Variants in SLC1A2 observed in about 807,000 individuals in gnomAD.
SLC1A2 encodes solute carrier family 1 member 2.
SLC1A2 carries 15 observed loss-of-function variants against 48.8 expected under a neutral mutation model. That is an observed-to-expected ratio of 0.31 (90% confidence interval 0.21 to 0.47). SLC1A2 has a LOEUF of 0.47. SLC1A2 is among the 20% of genes least tolerant of loss of function. The pLI, the probability that SLC1A2 is intolerant of heterozygous loss-of-function variation, is 0.99. For synonymous variants in SLC1A2, 279 were observed against 272.6 expected, an observed-to-expected ratio of 1.02 and a Z score of -0.23; for missense variants, 502 against 730.5, an observed-to-expected ratio of 0.69 and a Z score of 3.61.
intron 1 of SLC1A2, among the ~76,000 whole-genome samples, chr11:35,401,246 A>G (rs1855131389): frequency 6.6e-6 from 1 of 152,182 alleles, no homozygotes; most frequent in Non-Finnish European, 1.5e-5. Flanking sequence ...TCTCTCCTGG[A>G]TCAGAAAAAA....
chr11:35,363,651 T>C (rs1263964961), intron 1 of SLC1A2, among the ~76,000 whole-genome samples: 1 of 152,148 alleles, frequency 6.6e-6, no homozygotes, highest in African/African-American at 2.4e-5. Flanking sequence ...CCAGCAACTC[T>C]CTGCACGGAA....
intron 1 of SLC1A2, among the ~76,000 whole-genome samples, chr11:35,331,377 G>A (rs1359396016): frequency 6.6e-6 from 1 of 152,192 alleles, no homozygotes; most frequent in Non-Finnish European, 1.5e-5. Flanking sequence ...TGCTAAATTT[G>A]TGGCTATTGA....
intron 7 of SLC1A2, among the ~76,000 whole-genome samples, chr11:35,287,577 A>G (rs1353506539): frequency 6.6e-6 from 1 of 152,198 alleles, no homozygotes; most frequent in African/African-American, 2.4e-5. Context: ...GGCCAATTCT[A>G]CAGTCACTTC....
At chr11:35,310,363 A>G (rs1392467649) in intron 4 of SLC1A2, among the ~76,000 whole-genome samples, 2 of 152,226 alleles carry the variant, frequency 1.3e-5, no homozygotes, top group Non-Finnish European at 2.9e-5. Context: ...CTTTCTGAGC[A>G]GGCTGGCTGA....
chr11:35,361,486 G>A (rs1312944281), intron 1 of SLC1A2, among the ~76,000 whole-genome samples: 5 of 152,184 alleles, frequency 3.3e-5, no homozygotes, highest in African/African-American at 9.6e-5. Context: ...CTGTGTCCAG[G>A]CTGGCCTCCC....
chr11:35,394,639 A>T (rs1158861358), intron 1 of SLC1A2, among the ~76,000 whole-genome samples: 4 of 152,166 alleles, frequency 2.6e-5, no homozygotes, highest in Admixed American at 2.6e-4. Flanking sequence ...CAAGGCCACC[A>T]TCCCACCAGT....
At chr11:35,338,754 T>A (rs748026502) in intron 1 of SLC1A2, among the ~76,000 whole-genome samples, 8 of 152,226 alleles carry the variant, frequency 5.3e-5, no homozygotes, top group Non-Finnish European at 1.2e-4. Context: ...TGATATATTC[T>A]CTAGTTCACT....
intron 1 of SLC1A2, chr11:35,374,615 T>C (rs1854164705): frequency 6.1e-6 from 1 of 165,058 alleles, no homozygotes; most frequent in Non-Finnish European, 1.3e-5. Flanking sequence ...TTTCATGATA[T>C]TTGTACCACA....
At position 35,419,198 on chromosome 11, in the gene SLC1A2, C is replaced by T; in HGVS notation, c.-232G>A. 1 of 449,248 alleles carries T rather than the reference C, an allele frequency of 2.2e-6. No individual in the cohort carries two copies. Among genetic ancestry groups the T allele is most frequent in the South Asian group, 4.8e-5 (1 of 20,996 alleles). 27.8% of individuals were successfully genotyped at this position (449,248 alleles called of 1,614,324 possible). ...TCCACGGCGCGCGACCCGCGCTCCC[C>T]TCCGCCCGCGGGGATGGCGCTTGGC... On this transcript the variant is annotated 5_prime_UTR_variant, in exon 1 of 11. Transcript: ENST00000278379. The surrounding 1 kb of genome is among the most constrained non-coding windows in gnomAD (Gnocchi z 5.4).
chr11:35,339,927 T>A (rs1350361879), intron 1 of SLC1A2, among the ~76,000 whole-genome samples: 1 of 152,208 alleles, frequency 6.6e-6, no homozygotes, highest in Non-Finnish European at 1.5e-5. Flanking sequence ...GCTTTTTCAA[T>A]GTTAGGATTA....
chr11:35,292,719 T>A (rs1591436864), intron 6 of SLC1A2, among the ~76,000 whole-genome samples, 199 bp from the exon 7 acceptor site: 1 of 152,060 alleles, frequency 6.6e-6, no homozygotes, highest in Non-Finnish European at 1.5e-5. Flanking sequence ...TGGTGGCGCC[T>A]GCTCTGATGA....
chr11:35,281,063 G>A, intron 8 of SLC1A2, 62 bp from the exon 9 acceptor site: 1 of 1,460,738 alleles, frequency 6.8e-7, no homozygotes, highest in Non-Finnish European at 9.1e-7. Context: ...ACCAACCCTG[G>A]CAATTTTAAG....
In SLC1A2 at chr11:35,255,084, A is replaced by C. The variant is rs575667592; in HGVS notation, c.*5810T>G. On this transcript the variant is annotated 3_prime_UTR_variant, in exon 11 of 11. Transcript: ENST00000278379. ...CCGAAAAACAAAACCCAATCCTTTC[A>C]GTCCTAGCTTTACATCTTGCCCTTG... is the stretch of plus-strand genomic sequence containing the variant. 6.7e-6 allele frequency: 2 copies of C among 300,558 alleles called. No homozygotes were observed. The highest frequency in any genetic ancestry group is 5.8e-5 in the South Asian group (2 of 34,458). The allele number at this position is 300,558 out of a possible 1,614,324, so 18.6% of individuals were successfully genotyped here. A position where few individuals can be genotyped will look rare whatever the true frequency, so the allele number is the denominator to read the frequency against.
At chr11:35,385,241 G>A (rs539966670) in intron 1 of SLC1A2, among the ~76,000 whole-genome samples, 2 of 152,282 alleles carry the variant, frequency 1.3e-5, no homozygotes, top group Admixed American at 6.5e-5. Flanking sequence ...TTATGAATTA[G>A]GGTAACAGAT....
rs143769133 is a variant in SLC1A2 at position 35,365,335 on chromosome 11, G to T, written c.18-47819C>A. Among the ~76,000 whole-genome samples the T allele has an allele frequency of 4.5e-3, 681 of 152,272 alleles. 4 individuals are homozygous for T. The highest frequency in any genetic ancestry group is 0.016 in the African/African-American group (658 of 41,544). ...CATGATCAATGATATGGTAAAGCTG[G>T]TGTAACTACAGCCCTGCCATCAGCC... is the stretch of plus-strand genomic sequence containing the variant. On this transcript the variant is annotated intron_variant, in intron 1 of 10. Coordinates refer to ENST00000278379, the MANE Select transcript of SLC1A2 (RefSeq NM_004171.4).
chr11:35,313,581 A>G (rs1180837758), intron 3 of SLC1A2, among the ~76,000 whole-genome samples: 1 of 152,134 alleles, frequency 6.6e-6, no homozygotes, highest in Non-Finnish European at 1.5e-5. Context: ...TAGTGATGTG[A>G]GCTGCTCTAA....
At chr11:35,295,495 AG>A (rs1851142777) in intron 6 of SLC1A2, among the ~76,000 whole-genome samples, 1 of 152,244 alleles carries the variant, frequency 6.6e-6, no homozygotes, top group African/African-American at 2.4e-5. Context: ...CACCACTCAA[AG>A]CTTCTGAGAT....
At chr11:35,273,072 T>C (rs1393293487) in intron 9 of SLC1A2, among the ~76,000 whole-genome samples, 1 of 152,230 alleles carries the variant, frequency 6.6e-6, no homozygotes, top group Non-Finnish European at 1.5e-5. Context: ...TGCATTGGAT[T>C]GAACCATATG....
At position 35,260,582 on chromosome 11, in the gene SLC1A2, T is replaced by A; in HGVS notation, c.*312A>T. 1 of 344,658 alleles carries A rather than the reference T, an allele frequency of 2.9e-6. No individual in the cohort carries two copies. Among genetic ancestry groups the A allele is most frequent in the South Asian group, 3.1e-5 (1 of 31,916 alleles). 21.3% of individuals were successfully genotyped at this position (344,658 alleles called of 1,614,324 possible). A position where few individuals can be genotyped will look rare whatever the true frequency, so the allele number is the denominator to read the frequency against. ...GTCCCCTGGGAAAAGAGCATCCACA[T>A]TTCTGCATCTTGGGAGAAAAGGGAA... On this transcript the variant is annotated 3_prime_UTR_variant, in exon 11 of 11. Coordinates refer to ENST00000278379, the MANE Select transcript of SLC1A2 (RefSeq NM_004171.4).
Sources: gnomAD v4.1 joint callset for allele counts (sites outside exome capture counted in the v4.1 genomes callset) on GRCh38, gnomAD v4.1.1 for gene constraint, Gnocchi (gnomAD v3.1) non-coding constraint, MANE v1.5 for transcripts, NCBI Gene and HGNC (gene_info 2026-07-23, HGNC 2026-07-21) for gene names.